UNC80: variants seen among roughly 807,000 people sequenced by gnomAD.
The protein encoded by UNC80 is unc-80 subunit of NALCN channel complex, also known as protein unc-80 homolog.
A neutral mutation model predicts 384.6 loss-of-function variants in UNC80; 164 were observed. The ratio of observed to expected loss-of-function variants is 0.43; its 90% CI spans 0.38 to 0.49. UNC80 has a LOEUF of 0.49. Ranked by LOEUF, UNC80 falls within the 20% of genes least tolerant of loss-of-function variation. The pLI, the probability that UNC80 is intolerant of heterozygous loss-of-function variation, is 0.00. For synonymous variants in UNC80, 1,486 were observed against 1,527.8 expected, an observed-to-expected ratio of 0.97 and a Z score of 0.64; for missense variants, 3,330 against 4,143.0, an observed-to-expected ratio of 0.80 and a Z score of 5.39.
chr2:209,877,862 T>C lies in UNC80; in HGVS notation c.3841-92T>C, dbSNP rs1559248262. 5.3e-6 allele frequency: 7 copies of C among 1,325,838 alleles called. No homozygotes were observed. In the East Asian group the frequency reaches 2.0e-4, roughly 37 times the overall value. 82.1% of individuals were successfully genotyped at this position (1,325,838 alleles called of 1,614,324 possible). On this transcript the variant is annotated intron_variant, in intron 23 of 64. Transcript: ENST00000673920. The stretch of plus-strand genomic sequence containing the variant: ...AGGCTTATGCTGGAAATAATTCTCA[T>C]TAATTGGTTGCTTATGTCTGATGTA...
intron 7 of UNC80, chr2:209,795,444 A>T (rs1273343087): frequency 2.6e-5 from 4 of 152,404 alleles, no homozygotes; most frequent in Admixed American, 2.6e-4. Context: ...ATTCAAGCCA[A>T]CTGCAGAAAT....
Position 209,871,807 on chromosome 2 carries a change from C to T in UNC80, c.3628-951C>T, listed in dbSNP as rs567692634. 2.1e-3 allele frequency among the ~76,000 whole-genome samples: 306 copies of T among 144,334 alleles called. 2 individuals are homozygous for T. The highest frequency in any genetic ancestry group is 7.5e-3 in the African/African-American group (294 of 39,384). 94.7% of individuals were successfully genotyped at this position (144,334 alleles called of 152,430 possible). A position where few individuals can be genotyped will look rare whatever the true frequency, so the allele number is the denominator to read the frequency against. On this transcript the variant is annotated intron_variant, in intron 22 of 64. Transcript: ENST00000673920. Reference sequence around the variant, plus strand: ...GGATATCAGCTAAAAGATGTTTCTTCTTTTTTCTTTTTTTTTTTTCAAGCA... The same window carrying T: ...GGATATCAGCTAAAAGATGTTTCTTTTTTTTTCTTTTTTTTTTTTCAAGCA...
chr2:209,857,706 A>AGT (rs1217434377), intron 22 of UNC80, among the ~76,000 whole-genome samples: 2 of 152,044 alleles, frequency 1.3e-5, no homozygotes. Context: ...TTTTCCTCTA[A>AGT]GTACTACTTT....
intron 7 of UNC80, among the ~76,000 whole-genome samples, chr2:209,806,265 T>C (rs536667340): frequency 1.9e-4 from 29 of 152,352 alleles, no homozygotes; most frequent in Admixed American, 2.6e-4. Flanking sequence ...ATGTTTCTTT[T>C]CTCTGACAAA....
rs548637958 is a variant in UNC80 at position 209,845,514 on chromosome 2, G to A, written c.3454+3068G>A. 5.3e-5 allele frequency among the ~76,000 whole-genome samples: 8 copies of A among 152,128 alleles called. No individual in the cohort carries two copies. In the South Asian group the frequency reaches 6.2e-4, roughly 12 times the overall value. ...TCCTACGGATTTTAGCCATTGCTTC[G>A]TATATTCTTTGTATTCCATTCACAG... is the stretch of plus-strand genomic sequence containing the variant. On this transcript the variant is annotated intron_variant, in intron 21 of 64. Transcript: ENST00000673920.
chr2:209,854,174 A>G (rs2082725375), intron 22 of UNC80, among the ~76,000 whole-genome samples: 1 of 152,066 alleles, frequency 6.6e-6, no homozygotes, highest in African/African-American at 2.4e-5. Context: ...TCAAGGAGAT[A>G]GGAATGCATG....
intron 42 of UNC80, among the ~76,000 whole-genome samples, chr2:209,938,700 CTCTCTCTCTCTGTGTGTGTGTG>C (rs1452653020): frequency 6.7e-6 from 1 of 150,356 alleles, no homozygotes; most frequent in Non-Finnish European, 1.5e-5. Context: ...CTCTCTCTCT[CTCTCTCTCTCTGTGTGTGTGTG>C]TGTGTGTGTG....
intron 17 of UNC80, 49 bp downstream of exon 17, chr2:209,834,217 G>A (rs1444978942): frequency 6.5e-7 from 1 of 1,530,880 alleles, no homozygotes; most frequent in Non-Finnish European, 8.8e-7. Context: ...TAAGTCAGTA[G>A]AATAAAATCT....
chr2:209,833,821 C>T (rs1035133012), intron 16 of UNC80, among the ~76,000 whole-genome samples, 181 bp from the exon 17 acceptor site: 2 of 152,138 alleles, frequency 1.3e-5, no homozygotes, highest in African/African-American at 4.8e-5. Flanking sequence ...TGGTAATGTT[C>T]TTCTATAGGA....
At chr2:209,801,609 C>T (rs1215956365) in intron 7 of UNC80, among the ~76,000 whole-genome samples, 2 of 149,752 alleles carry the variant, frequency 1.3e-5, no homozygotes, top group African/African-American at 4.9e-5. Context: ...TCTTGAACTC[C>T]AGACCTTGTG....
At chr2:209,904,611 CT>C (rs1388285314) in intron 28 of UNC80, among the ~76,000 whole-genome samples, 153 bp from the exon 29 acceptor site, 1 of 152,158 alleles carries the variant, frequency 6.6e-6, no homozygotes, top group East Asian at 1.9e-4. Context: ...ATAAAGAACC[CT>C]TTGTCCTCCT....
At chr2:209,848,981 C>G (rs2082340334) in intron 21 of UNC80, among the ~76,000 whole-genome samples, 1 of 152,092 alleles carries the variant, frequency 6.6e-6, no homozygotes, top group Admixed American at 6.5e-5. Flanking sequence ...AAGGTTTTTC[C>G]TTTCACCACA....
intron 4 of UNC80, among the ~76,000 whole-genome samples, chr2:209,778,870 T>G (rs1204241942): frequency 2.0e-5 from 3 of 152,244 alleles, no homozygotes; most frequent in Non-Finnish European, 4.4e-5. Flanking sequence ...TGAAGGTGGT[T>G]GTGAACATTA....
At chr2:209,866,484 GCACCCCCACACACACACACACA>G (rs1374562594) in intron 22 of UNC80, among the ~76,000 whole-genome samples, 1 of 76,138 alleles carries the variant, frequency 1.3e-5, no homozygotes, top group African/African-American at 4.9e-5. Context: ...AATACAAAAT[GCACCCCCACACACACACACACA>G]CACACACACA....
Position 209,839,486 on chromosome 2 carries a change from G to C in UNC80, c.3250+56G>C, listed in dbSNP as rs1419086284. 3 of 1,537,708 alleles carry C rather than the reference G, an allele frequency of 2.0e-6. No individual in the cohort carries two copies. Among genetic ancestry groups the C allele is most frequent in the Non-Finnish European group, 1.8e-6 (2 of 1,135,354 alleles). ...TATCTTATTACCAACCATGTCCTCA[G>C]ATCAACTCAGTGATGCATAGTAGGG... On this transcript the variant is annotated intron_variant, in intron 19 of 64. Coordinates refer to ENST00000673920, the MANE Select transcript of UNC80 (RefSeq NM_001371986.1). The surrounding 1 kb of genome is among the most constrained non-coding windows in gnomAD (Gnocchi z 4.1).
intron 18 of UNC80, among the ~76,000 whole-genome samples, chr2:209,837,972 C>T (rs1574667667): frequency 2.0e-5 from 3 of 152,074 alleles, no homozygotes; most frequent in African/African-American, 7.2e-5. Flanking sequence ...GGGGTTTCGC[C>T]GTGTTAGCCA....
In UNC80 at chr2:209,893,532, G is replaced by A. The variant is rs538949579; in HGVS notation, c.4277-631G>A. ...GTTTTAAGTTTGGCTCGGGGGGGTT[G>A]CACCATTTGGAATCACATCTCACCC... On this transcript the variant is annotated intron_variant, in intron 26 of 64. Transcript: ENST00000673920. Among the ~76,000 whole-genome samples, 5 of 152,134 alleles carry A rather than the reference G, an allele frequency of 3.3e-5. No homozygotes were observed. In the South Asian group the frequency reaches 8.3e-4, roughly 25 times the overall value.
At chr2:209,775,066 A>C (rs1039192402) in intron 2 of UNC80, among the ~76,000 whole-genome samples, 2 of 152,144 alleles carry the variant, frequency 1.3e-5, no homozygotes, top group African/African-American at 4.8e-5. Flanking sequence ...TACATGCCAA[A>C]TGTTTATTAA....
chr2:209,793,944 G>A (rs955082997), intron 7 of UNC80, 85 bp downstream of exon 7: 2 of 1,506,990 alleles, frequency 1.3e-6, no homozygotes, highest in African/African-American at 2.8e-5. Context: ...GATAGCCTCT[G>A]TTCCTTAAAA....
Sources: allele counts gnomAD v4.1 joint callset (sites outside exome capture counted in the v4.1 genomes callset), GRCh38; gene constraint gnomAD v4.1.1; non-coding constraint Gnocchi (gnomAD v3.1); transcripts MANE v1.5; gene names NCBI Gene and HGNC (gene_info 2026-07-23, HGNC 2026-07-21).